ERC2: variants seen among roughly 807,000 people sequenced by gnomAD.
The protein encoded by ERC2 is ERC protein 2.
ERC2 carries 42 observed loss-of-function variants against 114.8 expected under a neutral mutation model. That is an observed-to-expected ratio of 0.37 (90% CI 0.29 to 0.47). ERC2 has a LOEUF of 0.47. ERC2 is among the 20% of genes least tolerant of loss of function. The probability of loss-of-function intolerance (pLI) is 0.99; values close to 1 mark genes in which losing one functional copy is unlikely to be tolerated. For missense variants in ERC2, 939 were observed against 1,150.7 expected (o/e 0.82, Z 2.66); for synonymous variants, 454 against 425.5 (o/e 1.07, Z -0.82).
At chr3:55,628,541 C>T (rs2059615196) in intron 17 of ERC2, among the ~76,000 whole-genome samples, 1 of 152,120 alleles carries the variant, frequency 6.6e-6, no homozygotes, top group Admixed American at 6.5e-5. Context: ...TTCCTTCCTT[C>T]TACTTCTTTC....
chr3:56,015,848 T>C (rs1466457885), intron 8 of ERC2, among the ~76,000 whole-genome samples: 1 of 152,232 alleles, frequency 6.6e-6, no homozygotes, highest in Non-Finnish European at 1.5e-5. Flanking sequence ...TTCCTTTTTC[T>C]GCCCAGCCTC....
chr3:56,205,566 A>G (rs2048675977), intron 3 of ERC2, among the ~76,000 whole-genome samples: 4 of 152,212 alleles, frequency 2.6e-5, no homozygotes, highest in Non-Finnish European at 5.9e-5. Flanking sequence ...CTTGGTATCC[A>G]AGGGCTGTGG....
At chr3:55,590,722 A>G (rs2057832301) in intron 17 of ERC2, among the ~76,000 whole-genome samples, 1 of 152,256 alleles carries the variant, frequency 6.6e-6, no homozygotes, top group Non-Finnish European at 1.5e-5. Context: ...TCAGGAAAAC[A>G]TTGGGAAAGA....
chr3:55,562,266 C>T (rs2056076567), intron 17 of ERC2, among the ~76,000 whole-genome samples: 3 of 152,074 alleles, frequency 2.0e-5, no homozygotes, highest in Admixed American at 2.0e-4. Flanking sequence ...GATTCTCTTG[C>T]CTCAGCCTCC....
chr3:56,284,359 G>C (rs186646550), intron 3 of ERC2, among the ~76,000 whole-genome samples: 1 of 152,344 alleles, frequency 6.6e-6, no homozygotes, highest in African/African-American at 2.4e-5. Context: ...TTGAGCTGTA[G>C]TGGGACTCTG....
intron 15 of ERC2, among the ~76,000 whole-genome samples, chr3:55,718,423 C>T (rs939385436): frequency 6.6e-6 from 1 of 152,206 alleles, no homozygotes; most frequent in African/African-American, 2.4e-5. Flanking sequence ...CAGCTTTCAA[C>T]TCAAGCCATT....
At chr3:55,600,896 C>T (rs1425804252) in intron 17 of ERC2, among the ~76,000 whole-genome samples, 3 of 152,234 alleles carry the variant, frequency 2.0e-5, no homozygotes, top group Non-Finnish European at 1.5e-5. Context: ...CTGCTGATGT[C>T]GCTCCTACTG....
At chr3:55,688,811 T>C (rs906254774) in intron 16 of ERC2, among the ~76,000 whole-genome samples, 1 of 152,180 alleles carries the variant, frequency 6.6e-6, no homozygotes, top group African/African-American at 2.4e-5. Context: ...TGAGTAATTA[T>C]GGAAGGCTCA....
chr3:56,283,145 G>A (rs534630506), intron 3 of ERC2, among the ~76,000 whole-genome samples: 1 of 152,184 alleles, frequency 6.6e-6, no homozygotes, highest in Non-Finnish European at 1.5e-5. Context: ...AGGTTTTTAA[G>A]GCATCTCAAG....
chr3:55,844,568 T>G (rs2061272037), intron 14 of ERC2, among the ~76,000 whole-genome samples: 1 of 152,238 alleles, frequency 6.6e-6, no homozygotes, highest in Admixed American at 6.5e-5. Context: ...GCAAGACTTC[T>G]ACAGTGCTCA....
At chr3:55,544,216 A>G (rs1216797982) in intron 17 of ERC2, among the ~76,000 whole-genome samples, 5 of 152,110 alleles carry the variant, frequency 3.3e-5, no homozygotes, top group East Asian at 1.9e-4. Flanking sequence ...CAGCCTCCCA[A>G]TTAGAGTTAT....
At chr3:56,041,554 G>A (rs541723710) in intron 7 of ERC2, among the ~76,000 whole-genome samples, 12 of 152,260 alleles carry the variant, frequency 7.9e-5, no homozygotes, top group African/African-American at 2.9e-4. Flanking sequence ...CCTTTGGCCA[G>A]AGAAAGCAGG....
intron 15 of ERC2, among the ~76,000 whole-genome samples, chr3:55,711,877 C>T (rs2063795745): frequency 1.3e-5 from 2 of 152,270 alleles, no homozygotes; most frequent in South Asian, 4.1e-4. Context: ...AGAGAGAACC[C>T]TAAAATAGAA....
At chr3:55,554,792 G>A (rs961777660) in intron 17 of ERC2, among the ~76,000 whole-genome samples, 4 of 152,080 alleles carry the variant, frequency 2.6e-5, no homozygotes, top group Admixed American at 2.6e-4. Flanking sequence ...CTCAGCCTAG[G>A]GGCACTGTCA....
At chr3:56,019,086 A>G in intron 7 of ERC2, 55 bp from the exon 8 acceptor site, 1 of 1,375,346 alleles carries the variant, frequency 7.3e-7, no homozygotes, top group Non-Finnish European at 1.0e-6. Context: ...CCTAGGCCAA[A>G]ATTCCTGAAG....
chr3:56,188,887 TC>T (rs2083806845), intron 3 of ERC2, among the ~76,000 whole-genome samples: 1 of 152,142 alleles, frequency 6.6e-6, no homozygotes, highest in African/African-American at 2.4e-5. Flanking sequence ...TGTCCGACTC[TC>T]CCCTCTTTGG....
chr3:55,540,108 G>C (rs903993154), intron 17 of ERC2, among the ~76,000 whole-genome samples: 3 of 152,086 alleles, frequency 2.0e-5, no homozygotes, highest in African/African-American at 7.2e-5. Flanking sequence ...AAGGATCCTG[G>C]ATCGCTGCAT....
At chr3:56,087,358 G>A (rs1252559432) in intron 6 of ERC2, among the ~76,000 whole-genome samples, 1 of 152,112 alleles carries the variant, frequency 6.6e-6, no homozygotes, top group Non-Finnish European at 1.5e-5. Context: ...GCCAAAATCA[G>A]AGTTAAGCAT....
chr3:55,818,632 T>C (rs1199313236), intron 14 of ERC2, among the ~76,000 whole-genome samples: 1 of 152,214 alleles, frequency 6.6e-6, no homozygotes, highest in Admixed American at 6.5e-5. Flanking sequence ...CTTGACTTTG[T>C]TCTCCACTTC....
Sources: gnomAD v4.1 joint callset for allele counts (sites outside exome capture counted in the v4.1 genomes callset) on GRCh38, gnomAD v4.1.1 for gene constraint, MANE v1.5 for transcripts, NCBI Gene and HGNC (gene_info 2026-07-23, HGNC 2026-07-21) for gene names.